Variants in DNAAF5 observed in about 807,000 individuals in gnomAD.
DNAAF5 encodes the protein HEAT repeat containing 2.
A neutral mutation model predicts 75.8 loss-of-function variants in DNAAF5; 64 were observed. The ratio of observed to expected loss-of-function variants is 0.84; its 90% CI spans 0.69 to 1.04. The LOEUF (loss-of-function observed/expected upper bound fraction) is 1.04. DNAAF5 is among the 50% of genes least tolerant of loss of function. The pLI is 0.00. For synonymous variants in DNAAF5, 657 were observed against 557.2 expected (o/e 1.18, Z -2.52); for missense variants, 1,269 against 1,178.5 (o/e 1.08, Z -1.12).
chr7:767,580 A>C (rs1778357721), intron 8 of DNAAF5, among the ~76,000 whole-genome samples: 1 of 152,064 alleles, frequency 6.6e-6, no homozygotes, highest in African/African-American at 2.4e-5. Flanking sequence ...CATTAAAAAC[A>C]ATTATCCTAA....
chr7:761,997 T>TTGAGCCCCATGCCTCAAACATGTC, intron 7 of DNAAF5, 101 bp downstream of exon 7: 1 of 1,326,996 alleles, frequency 7.5e-7, no homozygotes. Flanking sequence ...CCCTCTGTGC[T>TTGAGCCCCATGCCTCAAACATGTC]TGACCAGCAA....
At chr7:778,646 T>C (rs1270335015) in intron 11 of DNAAF5, 1 of 152,328 alleles carries the variant, frequency 6.6e-6, no homozygotes, top group Non-Finnish European at 1.5e-5. Flanking sequence ...CGGAGGATCC[T>C]GTCCGGGCCC....
intron 2 of DNAAF5, among the ~76,000 whole-genome samples, chr7:731,157 G>A (rs1324020470): frequency 6.6e-6 from 1 of 152,176 alleles, no homozygotes; most frequent in East Asian, 1.9e-4. Context: ...AGTGGAGTCT[G>A]TGTCATGGGC....
chr7:749,340 C>T (rs1039893166), intron 4 of DNAAF5, among the ~76,000 whole-genome samples: 5 of 152,200 alleles, frequency 3.3e-5, no homozygotes, highest in African/African-American at 1.2e-4. Context: ...AATGCCTGAG[C>T]GTAAAGGAAA....
chr7:738,795 A>G (rs1781812447), intron 2 of DNAAF5, among the ~76,000 whole-genome samples: 2 of 152,302 alleles, frequency 1.3e-5, no homozygotes, highest in African/African-American at 2.4e-5. Context: ...TGTCCTTGCT[A>G]TCAGGTGAGA....
intron 10 of DNAAF5, among the ~76,000 whole-genome samples, chr7:774,754 C>A (rs1045345033): frequency 6.6e-6 from 1 of 152,176 alleles, no homozygotes; most frequent in Non-Finnish European, 1.5e-5. Flanking sequence ...GGGGCCCAGG[C>A]GAGCCATTAC....
At chr7:736,556 C>CT (rs1781745299) in intron 2 of DNAAF5, among the ~76,000 whole-genome samples, 1 of 152,074 alleles carries the variant, frequency 6.6e-6, no homozygotes, top group Non-Finnish European at 1.5e-5. Flanking sequence ...TATGGAATAT[C>CT]TTTTTTCGCA....
At chr7:738,775 C>T (rs1314896753) in intron 2 of DNAAF5, among the ~76,000 whole-genome samples, 1 of 152,188 alleles carries the variant, frequency 6.6e-6, no homozygotes, top group Non-Finnish European at 1.5e-5. Flanking sequence ...CCCCAAATCC[C>T]GGCCCTAGCT....
At position 763,982 on chromosome 7, in the gene DNAAF5, G is replaced by T; in HGVS notation, c.1783+8G>T. On this transcript the variant is annotated splice_region_variant and intron_variant, in intron 8 of 12. Coordinates refer to ENST00000297440, the MANE Select transcript of DNAAF5 (RefSeq NM_017802.4). The stretch of plus-strand genomic sequence containing the variant: ...TCATCGTCGCACAGTCAGGTGAGCC[G>T]TCCCGACAGCTGGCGTGCCGTGCCT... 6.2e-7 allele frequency: 1 copy of T among 1,601,072 alleles called. No individual in the cohort carries two copies. Among genetic ancestry groups the T allele is most frequent in the Non-Finnish European group, 8.5e-7 (1 of 1,179,780 alleles).
intron 4 of DNAAF5, among the ~76,000 whole-genome samples, chr7:749,113 G>T (rs1458120262): frequency 1.3e-5 from 2 of 152,086 alleles, no homozygotes; most frequent in Non-Finnish European, 2.9e-5. Flanking sequence ...TAAAAACCAA[G>T]CTTCGTGCTG....
intron 11 of DNAAF5, among the ~76,000 whole-genome samples, chr7:777,983 T>C (rs2128085925): frequency 6.6e-6 from 1 of 152,278 alleles, no homozygotes; most frequent in South Asian, 2.1e-4. Context: ...GGAGAGATGG[T>C]GCCTCAGAAT....
At chr7:729,234 A>C (rs953079166) in intron 1 of DNAAF5, among the ~76,000 whole-genome samples, 21 of 152,128 alleles carry the variant, frequency 1.4e-4, no homozygotes, top group African/African-American at 5.1e-4. Context: ...AGCTTCCTGG[A>C]GGAGCCTGGG....
Position 774,325 on chromosome 7 carries a change from C to A in DNAAF5, c.2082+127C>A, listed in dbSNP as rs1045964460. 8.0e-6 allele frequency: 8 copies of A among 996,116 alleles called. No homozygotes were observed. The African/African-American group carries it at 1.3e-4, about 17-fold the overall frequency. 61.7% of individuals were successfully genotyped at this position (996,116 alleles called of 1,614,324 possible). A position where few individuals can be genotyped will look rare whatever the true frequency, so the allele number is the denominator to read the frequency against. On this transcript the variant is annotated intron_variant, in intron 10 of 12. Transcript: ENST00000297440. The stretch of plus-strand genomic sequence containing the variant: ...CTGCACCTCCACCTGGGGCCCGTAC[C>A]CCAAGAGGCTCTCCCCACACTGGCG...
At chr7:768,300 A>C (rs1355006878) in intron 8 of DNAAF5, among the ~76,000 whole-genome samples, 1 of 148,062 alleles carries the variant, frequency 6.8e-6, no homozygotes, top group Non-Finnish European at 1.5e-5. Flanking sequence ...TCTGGGCGGA[A>C]GTGTCCGTGC....
intron 12 of DNAAF5, among the ~76,000 whole-genome samples, chr7:780,591 T>C (rs1255293256): frequency 2.0e-5 from 3 of 152,198 alleles, no homozygotes; most frequent in Non-Finnish European, 4.4e-5. Context: ...TGGAAAATAA[T>C]CTGGCCTCGC....
intron 8 of DNAAF5, among the ~76,000 whole-genome samples, chr7:769,450 C>T (rs1778479126): frequency 6.6e-6 from 1 of 152,192 alleles, no homozygotes; most frequent in South Asian, 2.1e-4. Flanking sequence ...GCGTAGGATG[C>T]ACAGTGCAGG....
intron 11 of DNAAF5, among the ~76,000 whole-genome samples, chr7:777,782 C>T (rs951737419): frequency 5.3e-5 from 8 of 152,100 alleles, no homozygotes; most frequent in African/African-American, 1.7e-4. Context: ...AAGTTAGTGA[C>T]GTGAAAGCCA....
At chr7:732,719 T>C (rs1329212121) in intron 2 of DNAAF5, 4 of 437,006 alleles carry the variant, frequency 9.2e-6, no homozygotes, top group South Asian at 4.9e-5. Flanking sequence ...GAGCTCCTTA[T>C]GGATTCTGGT....
At chr7:764,438 C>T (rs73036232) in intron 8 of DNAAF5, among the ~76,000 whole-genome samples, 21,923 of 152,196 alleles carry the variant, frequency 0.14, 2,140 homozygotes, top group Middle Eastern at 0.26. Flanking sequence ...GGCTTCAGCG[C>T]GGGGCAAGAT....
Sources: gnomAD v4.1 joint callset for allele counts (sites outside exome capture counted in the v4.1 genomes callset) on GRCh38, gnomAD v4.1.1 for gene constraint, MANE v1.5 for transcripts, NCBI Gene and HGNC (gene_info 2026-07-23, HGNC 2026-07-21) for gene names.